SLC39A11: variants seen among roughly 807,000 people sequenced by gnomAD.
The protein encoded by SLC39A11 is solute carrier family 39 member 11, also known as zinc transporter ZIP11.
In SLC39A11, 33 loss-of-function variants were observed where a neutral mutation model predicts 36.1. The observed-to-expected ratio is 0.91, with a 90% CI of 0.69 to 1.22. The LOEUF (loss-of-function observed/expected upper bound fraction) is 1.22, where lower values mean the gene tolerates loss of function less well. Ranked by LOEUF, SLC39A11 falls within the 50% of genes most tolerant of loss-of-function variation. SLC39A11 has a pLI of 0.00. For synonymous variants in SLC39A11, 166 were observed against 170.3 expected (o/e 0.97, Z 0.20); for missense variants, 432 against 430.3 (o/e 1.00, Z -0.03).
chr17:73,059,610 G>A (rs542182044), intron 3 of SLC39A11, among the ~76,000 whole-genome samples: 116 of 149,562 alleles, frequency 7.8e-4, no homozygotes, highest in African/African-American at 2.7e-3. Context: ...AGCCGAGATC[G>A]CGCCATTGCA....
At chr17:72,783,659 A>G (rs972082465) in intron 6 of SLC39A11, among the ~76,000 whole-genome samples, 5 of 152,210 alleles carry the variant, frequency 3.3e-5, no homozygotes, top group South Asian at 2.1e-4. Flanking sequence ...GGGGCAGGGA[A>G]GAATGCCCAG....
chr17:73,052,857 T>G (rs2059553284), intron 3 of SLC39A11, among the ~76,000 whole-genome samples: 1 of 152,078 alleles, frequency 6.6e-6, no homozygotes. Context: ...CGTGCCATCA[T>G]GCCTGGCTAA....
At position 72,776,034 on chromosome 17, in the gene SLC39A11, G is replaced by A. The variant is rs111514684; in HGVS notation, c.602-39315C>T. Among the ~76,000 whole-genome samples, 649 of 152,300 alleles carry A rather than the reference G, an allele frequency of 4.3e-3. 5 individuals are homozygous for A. Among genetic ancestry groups the A allele is most frequent in the African/African-American group, 0.015 (610 of 41,570 alleles). ...CACATGTTCCCTCTCCCTGGATCAG[G>A]CTGGTCCAGGAAGAATTGGGGAATA... On this transcript the variant is annotated intron_variant, in intron 6 of 9. Coordinates refer to ENST00000255559, the MANE Select transcript of SLC39A11 (RefSeq NM_139177.4).
At chr17:72,800,808 A>C (rs560576973) in intron 6 of SLC39A11, among the ~76,000 whole-genome samples, 45 of 152,194 alleles carry the variant, frequency 3.0e-4, no homozygotes, top group Non-Finnish European at 5.0e-4. Flanking sequence ...AGTTTGGGGA[A>C]GGGAAGATGC....
intron 5 of SLC39A11, among the ~76,000 whole-genome samples, chr17:72,884,626 T>C (rs549876909): frequency 6.6e-6 from 1 of 152,324 alleles, no homozygotes; most frequent in South Asian, 2.1e-4. Context: ...ACTATATTAC[T>C]ATGGTGAGGC....
chr17:72,896,408 G>T (rs2082033048), intron 5 of SLC39A11, among the ~76,000 whole-genome samples: 1 of 151,684 alleles, frequency 6.6e-6, no homozygotes, highest in Non-Finnish European at 1.5e-5. Context: ...CACCATGTTG[G>T]CAAGGCTGGT....
chr17:72,852,660 G>A (rs536664752), intron 5 of SLC39A11, among the ~76,000 whole-genome samples: 5 of 152,316 alleles, frequency 3.3e-5, no homozygotes, highest in Admixed American at 6.5e-5. Flanking sequence ...GATCACCTTC[G>A]TGTATGTATG....
rs151325464 is a variant in SLC39A11 at position 73,065,098 on chromosome 17, T to C, written c.147+19710A>G. On this transcript the variant is annotated intron_variant, in intron 3 of 9. Transcript: ENST00000255559. ...TCCTGATTGTGGAAGAGAATTATTATTGGGTCCTTAAAAAAACAAAAAGAG... is the reference window on the plus strand; with the variant it reads ...TCCTGATTGTGGAAGAGAATTATTACTGGGTCCTTAAAAAAACAAAAAGAG... 3.2e-4 allele frequency among the ~76,000 whole-genome samples: 48 copies of C among 152,154 alleles called. 2 individuals are homozygous for C. In the East Asian group the frequency reaches 8.9e-3, roughly 28 times the overall value.
intron 5 of SLC39A11, among the ~76,000 whole-genome samples, chr17:72,912,421 T>C (rs77313284): frequency 0.51 from 77,143 of 150,882 alleles, 19,684 homozygotes; most frequent in African/African-American, 0.53. Flanking sequence ...ATTTACATTC[T>C]TAGGACAATA....
At chr17:72,975,438 C>T (rs1206922389) in intron 4 of SLC39A11, among the ~76,000 whole-genome samples, 1 of 152,102 alleles carries the variant, frequency 6.6e-6, no homozygotes, top group Admixed American at 6.6e-5. Context: ...AAAACTTCAT[C>T]TCAAAAAATA....
intron 6 of SLC39A11, among the ~76,000 whole-genome samples, chr17:72,783,333 A>G (rs1345213330): frequency 1.3e-5 from 2 of 152,236 alleles, no homozygotes; most frequent in Admixed American, 1.3e-4. Flanking sequence ...TGAGACAACC[A>G]GGCAGGGAGC....
intron 4 of SLC39A11, among the ~76,000 whole-genome samples, chr17:72,998,784 G>C (rs529992954): frequency 4.9e-4 from 75 of 152,272 alleles, no homozygotes; most frequent in Admixed American, 1.4e-3. Context: ...CTGAACTCTG[G>C]GGGTCCCCGC....
At chr17:72,780,901 T>C (rs57498763) in intron 6 of SLC39A11, among the ~76,000 whole-genome samples, 5,638 of 152,178 alleles carry the variant, frequency 0.037, 327 homozygotes, top group African/African-American at 0.13. Context: ...GCAGGAGAAT[T>C]GCTTGAACCC....
At chr17:72,701,583 C>G (rs2072623639) in intron 7 of SLC39A11, among the ~76,000 whole-genome samples, 1 of 151,822 alleles carries the variant, frequency 6.6e-6, no homozygotes, top group Non-Finnish European at 1.5e-5. Flanking sequence ...CAAAAATTAG[C>G]CAGGTGTGGT....
rs76681537 is a variant in SLC39A11 at position 72,925,415 on chromosome 17, G to A, written c.430+22337C>T. 9.3e-3 allele frequency among the ~76,000 whole-genome samples: 1,415 copies of A among 152,214 alleles called. 16 individuals carry two copies. Among genetic ancestry groups the A allele is most frequent in the Non-Finnish European group, 0.012 (841 of 68,008 alleles). On this transcript the variant is annotated intron_variant, in intron 5 of 9. Transcript: ENST00000255559. ...AAGATGATTATTTATGACCAGGAGGGAAGACTGTAGCAGACTGTATTATAC... is the reference window on the plus strand; with the variant it reads ...AAGATGATTATTTATGACCAGGAGGAAAGACTGTAGCAGACTGTATTATAC...
intron 7 of SLC39A11, among the ~76,000 whole-genome samples, chr17:72,701,753 GAGAA>G (rs1159309051): frequency 5.0e-5 from 6 of 120,206 alleles, no homozygotes; most frequent in African/African-American, 9.5e-5. Flanking sequence ...AAAAGAAAAA[GAGAA>G]AGAAAGAAAG....
chr17:72,669,422 G>A (rs1354022634), intron 7 of SLC39A11, among the ~76,000 whole-genome samples: 1 of 152,114 alleles, frequency 6.6e-6, no homozygotes, highest in Non-Finnish European at 1.5e-5. Flanking sequence ...TGATTTTCAT[G>A]ACTTTGAAGA....
intron 4 of SLC39A11, among the ~76,000 whole-genome samples, chr17:72,987,352 A>G (rs2088836732): frequency 6.6e-6 from 1 of 152,102 alleles, no homozygotes; most frequent in African/African-American, 2.4e-5. Flanking sequence ...GGACTAAGAC[A>G]CTCCACAAGG....
chr17:72,970,959 T>A (rs1225855189), intron 4 of SLC39A11, among the ~76,000 whole-genome samples: 2 of 152,226 alleles, frequency 1.3e-5, no homozygotes, highest in Non-Finnish European at 2.9e-5. Flanking sequence ...TCTGGGGCTC[T>A]GGGTGTCCCC....
Sources: allele counts gnomAD v4.1 joint callset (sites outside exome capture counted in the v4.1 genomes callset), GRCh38; gene constraint gnomAD v4.1.1; transcripts MANE v1.5; gene names NCBI Gene and HGNC (gene_info 2026-07-23, HGNC 2026-07-21).